The following PIK3CA variants were observed in gnomAD, a reference collection of about 807,000 sequenced individuals.
PIK3CA encodes the protein phosphatidylinositol 4,5-bisphosphate 3-kinase catalytic subunit alpha isoform.
PIK3CA carries 27 observed loss-of-function variants against 138.2 expected under a neutral mutation model. That is an observed-to-expected ratio of 0.20 (90% CI 0.14 to 0.27). The LOEUF (loss-of-function observed/expected upper bound fraction) is 0.27. Among genes scored for constraint, PIK3CA ranks in the 10% least tolerant of loss-of-function variants. The probability of loss-of-function intolerance (pLI) is 1.00; values close to 1 mark genes in which losing one functional copy is unlikely to be tolerated. For synonymous variants in PIK3CA, 358 were observed against 413.2 expected (o/e 0.87, Z 1.62); for missense variants, 544 against 1,277.4 (o/e 0.43, Z 8.75).
chr3:179,156,008 G>T (rs950998015), intron 1 of PIK3CA, among the ~76,000 whole-genome samples: 3 of 152,182 alleles, frequency 2.0e-5, no homozygotes, highest in Non-Finnish European at 4.4e-5. Context: ...CAAATGCTGA[G>T]ATTCCTAGTA....
chr3:179,196,109 G>A (rs906445569), intron 1 of PIK3CA, among the ~76,000 whole-genome samples: 4 of 152,158 alleles, frequency 2.6e-5, no homozygotes, highest in African/African-American at 9.7e-5. Flanking sequence ...TAAAACCAGT[G>A]ATCTGTCTAC....
At chr3:179,172,167 A>G (rs1182794535) in intron 1 of PIK3CA, among the ~76,000 whole-genome samples, 3 of 152,164 alleles carry the variant, frequency 2.0e-5, no homozygotes, top group Non-Finnish European at 4.4e-5. Flanking sequence ...TAGATGCAGA[A>G]AAGTATTTGA....
rs1175324728 is a variant in PIK3CA, at chr3:179,235,021, C to G, written c.*657C>G. ...TTATCTGCAGTTTTGGAAGCAGTCA[C>G]AAATGAGACCTGTTATAAGGTGGTA... On this transcript the variant is annotated 3_prime_UTR_variant, in exon 21 of 21. Coordinates refer to ENST00000263967, the MANE Select transcript of PIK3CA (RefSeq NM_006218.4). The G allele has an allele frequency of 4.9e-6, 1 of 203,112 alleles. No homozygotes were observed. The allele number at this position is 203,112 out of a possible 1,614,324, so 12.6% of individuals were successfully genotyped here.
At chr3:179,213,382 T>G (rs1458497492) in intron 9 of PIK3CA, among the ~76,000 whole-genome samples, 1 of 152,232 alleles carries the variant, frequency 6.6e-6, no homozygotes, top group Non-Finnish European at 1.5e-5. Context: ...AACACAACAA[T>G]GTACATACTT....
intron 20 of PIK3CA, 106 bp from the exon 21 acceptor site, chr3:179,233,988 A>G: frequency 1.4e-6 from 1 of 708,262 alleles, no homozygotes; most frequent in Middle Eastern, 4.0e-4. Flanking sequence ...ATTTTTTTAT[A>G]GCTTTGTCTA....
intron 5 of PIK3CA, 37 bp from the exon 6 acceptor site, chr3:179,204,466 G>A (rs1004146318): frequency 4.2e-6 from 4 of 942,158 alleles, no homozygotes; most frequent in Admixed American, 3.5e-5. Flanking sequence ...TGTATGTTGA[G>A]TGTATACATT....
At chr3:179,215,803 G>A (rs1268151583) in intron 9 of PIK3CA, among the ~76,000 whole-genome samples, 1 of 152,156 alleles carries the variant, frequency 6.6e-6, no homozygotes, top group African/African-American at 2.4e-5. Flanking sequence ...ACTGACCAAG[G>A]AAGATATTTC....
At chr3:179,184,559 A>G (rs1723928075) in intron 1 of PIK3CA, among the ~76,000 whole-genome samples, 1 of 152,230 alleles carries the variant, frequency 6.6e-6, no homozygotes, top group Admixed American at 6.5e-5. Context: ...TGAATTGGTC[A>G]AAAATGAAAA....
chr3:179,231,610 C>G (rs1725212992), intron 20 of PIK3CA, among the ~76,000 whole-genome samples: 1 of 94,920 alleles, frequency 1.1e-5, no homozygotes, highest in Non-Finnish European at 2.2e-5. Context: ...TGAGAATTGT[C>G]TATTCATGTC....
intron 17 of PIK3CA, among the ~76,000 whole-genome samples, chr3:179,226,368 A>G (rs1001798223): frequency 6.6e-6 from 1 of 152,170 alleles, no homozygotes; most frequent in South Asian, 2.1e-4. Context: ...CATAATGGGA[A>G]TTTTCTAATT....
chr3:179,162,040 A>C (rs1204625130), intron 1 of PIK3CA, among the ~76,000 whole-genome samples: 1 of 152,054 alleles, frequency 6.6e-6, no homozygotes, highest in Non-Finnish European at 1.5e-5. Context: ...TCCTTGAAAA[A>C]TCTCTTTAAT....
intron 1 of PIK3CA, among the ~76,000 whole-genome samples, chr3:179,179,393 C>G (rs1342731717): frequency 6.6e-6 from 1 of 152,162 alleles, no homozygotes; most frequent in East Asian, 1.9e-4. Context: ...CCAAAAGAAG[C>G]CAAATACAAG....
At position 179,219,447 on chromosome 3, in the gene PIK3CA, A is replaced by G. The variant is rs1724915777; in HGVS notation, c.1747-124A>G. On this transcript the variant is annotated intron_variant, in intron 11 of 20. Coordinates refer to ENST00000263967, the MANE Select transcript of PIK3CA (RefSeq NM_006218.4). The surrounding 1 kb of genome is among the most constrained non-coding windows in gnomAD (Gnocchi z 4.2). ...CATAGATAAAACTAATTAGAACTGTAAATTCTAAGGAGATTATTTATCTAA... is the reference window on the plus strand; with the variant it reads ...CATAGATAAAACTAATTAGAACTGTGAATTCTAAGGAGATTATTTATCTAA... 7 of 688,206 alleles carry G rather than the reference A, an allele frequency of 1.0e-5. No homozygotes were observed. The highest frequency in any genetic ancestry group is 1.7e-5 in the Non-Finnish European group (7 of 408,138). 42.6% of individuals were successfully genotyped at this position (688,206 alleles called of 1,614,324 possible).
At chr3:179,191,646 TG>T in intron 1 of PIK3CA, among the ~76,000 whole-genome samples, 1 of 152,224 alleles carries the variant, frequency 6.6e-6, no homozygotes, top group East Asian at 1.9e-4. Context: ...TGTTTTGTTT[TG>T]TTTTTTGAGA....
Position 179,219,805 on chromosome 3 carries a change from C to G in PIK3CA, c.1911+70C>G. Reference sequence around the variant, plus strand: ...ATTTATTCTAGATCCATACAACTTCCTTTTAAAAAACCTACTGCACTAACT... The same window carrying G: ...ATTTATTCTAGATCCATACAACTTCGTTTTAAAAAACCTACTGCACTAACT... On this transcript the variant is annotated intron_variant, in intron 12 of 20. Transcript: ENST00000263967. This position sits in a 1 kb window ranked among gnomAD's most constrained non-coding sequence, Gnocchi z 4.2. The G allele has an allele frequency of 1.4e-6, 2 of 1,430,884 alleles. No homozygotes were observed. Among genetic ancestry groups the G allele is most frequent in the South Asian group, 2.6e-5 (2 of 77,564 alleles). The allele number at this position is 1,430,884 out of a possible 1,614,324, so 88.6% of individuals were successfully genotyped here.
At chr3:179,210,693 C>G (rs1333088933) in intron 9 of PIK3CA, 128 bp downstream of exon 9, 1 of 849,784 alleles carries the variant, frequency 1.2e-6, no homozygotes, top group Non-Finnish European at 1.8e-6. Flanking sequence ...ACCAATATTG[C>G]AATAGAATTA....
At chr3:179,161,652 A>C (rs751403771) in intron 1 of PIK3CA, among the ~76,000 whole-genome samples, 2 of 152,186 alleles carry the variant, frequency 1.3e-5, no homozygotes, top group Non-Finnish European at 2.9e-5. Context: ...AGCTGAGATC[A>C]CGCCACTGCA....
chr3:179,223,529 A>G (rs959032415), intron 14 of PIK3CA, among the ~76,000 whole-genome samples: 2 of 152,302 alleles, frequency 1.3e-5, no homozygotes, highest in African/African-American at 4.8e-5. Flanking sequence ...TTCACCCAGC[A>G]AAGAGAGTAT....
chr3:179,229,477 T>G, intron 18 of PIK3CA, 35 bp downstream of exon 18: 1 of 1,546,114 alleles, frequency 6.5e-7, no homozygotes, highest in Non-Finnish European at 8.8e-7. Flanking sequence ...TATGTTAATC[T>G]AAGTTTTTGT....
Sources: gnomAD v4.1 joint callset for allele counts (sites outside exome capture counted in the v4.1 genomes callset) on GRCh38, gnomAD v4.1.1 for gene constraint, Gnocchi (gnomAD v3.1) non-coding constraint, MANE v1.5 for transcripts, NCBI Gene and HGNC (gene_info 2026-07-23, HGNC 2026-07-21) for gene names.